Variants in ALK observed in about 807,000 individuals in gnomAD.
The protein encoded by ALK is ALK tyrosine kinase receptor.
ALK carries 74 observed loss-of-function variants against 163.1 expected under a neutral mutation model. That is an observed-to-expected ratio of 0.45 (90% CI 0.38 to 0.55). ALK has a LOEUF of 0.55. Ranked by LOEUF, ALK falls within the 20% of genes least tolerant of loss-of-function variation. The pLI is 0.00. For missense variants in ALK, 2,063 were observed against 2,105.3 expected, an observed-to-expected ratio of 0.98 and a Z score of 0.39; for synonymous variants, 960 against 843.2, an observed-to-expected ratio of 1.14 and a Z score of -2.40.
At chr2:29,764,498 G>A (rs1680802610) in intron 1 of ALK, among the ~76,000 whole-genome samples, 1 of 152,152 alleles carries the variant, frequency 6.6e-6, no homozygotes, top group African/African-American at 2.4e-5. Context: ...CACCACTGAG[G>A]AAGCCTCACC....
At chr2:29,672,587 T>C (rs1303618163) in intron 3 of ALK, among the ~76,000 whole-genome samples, 1 of 151,156 alleles carries the variant, frequency 6.6e-6, no homozygotes, top group East Asian at 1.9e-4. Flanking sequence ...TGTTGGACAT[T>C]TGGCTTGGTT....
chr2:29,711,102 C>A (rs2148302211), intron 2 of ALK, among the ~76,000 whole-genome samples: 1 of 152,316 alleles, frequency 6.6e-6, no homozygotes, highest in South Asian at 2.1e-4. Flanking sequence ...CACCTTATAT[C>A]CAGAATCTCT....
At chr2:29,284,828 G>A (rs374342307) in intron 9 of ALK, among the ~76,000 whole-genome samples, 29 of 152,246 alleles carry the variant, frequency 1.9e-4, no homozygotes, top group African/African-American at 6.7e-4. Context: ...TCAATGCCTG[G>A]TTGCACATCG....
intron 1 of ALK, among the ~76,000 whole-genome samples, chr2:29,830,712 TTAAAAAAAAA>T (rs1205895659): frequency 0.031 from 1,941 of 63,508 alleles, 243 homozygotes; most frequent in African/African-American, 0.086. Context: ...CTAAAATAGT[TTAAAAAAAAA>T]AAAAAAAAAA....
chr2:29,606,415 G>T (rs1441847613), intron 3 of ALK, among the ~76,000 whole-genome samples: 1 of 152,236 alleles, frequency 6.6e-6, no homozygotes, highest in African/African-American at 2.4e-5. Flanking sequence ...GGCCATTCTA[G>T]GTCTCAGACC....
At chr2:29,420,562 G>C (rs1669992590) in intron 4 of ALK, among the ~76,000 whole-genome samples, 1 of 151,480 alleles carries the variant, frequency 6.6e-6, no homozygotes, top group African/African-American at 2.5e-5. Flanking sequence ...CTGGTTCAAA[G>C]GAGGGAAAAA....
intron 1 of ALK, among the ~76,000 whole-genome samples, chr2:29,720,669 A>G (rs1679395380): frequency 6.6e-6 from 1 of 152,222 alleles, no homozygotes; most frequent in South Asian, 2.1e-4. Flanking sequence ...ATACACATCA[A>G]TGTAGAATAT....
At chr2:29,724,550 T>C (rs1286370730) in intron 1 of ALK, among the ~76,000 whole-genome samples, 2 of 152,162 alleles carry the variant, frequency 1.3e-5, no homozygotes, top group African/African-American at 4.8e-5. Context: ...GAGTTAGCGG[T>C]GATGGGCGAT....
At chr2:29,335,971 C>T (rs753101595) in intron 5 of ALK, among the ~76,000 whole-genome samples, 14 of 151,942 alleles carry the variant, frequency 9.2e-5, no homozygotes, top group African/African-American at 1.7e-4. Flanking sequence ...ACCTGGGAGG[C>T]GGAGGTTGCA....
At chr2:29,194,770 G>A (rs1252229419) in intron 28 of ALK, among the ~76,000 whole-genome samples, 2 of 151,130 alleles carry the variant, frequency 1.3e-5, no homozygotes, top group Middle Eastern at 3.5e-3. Flanking sequence ...CACCTGCCTC[G>A]GCCTCCCAGA....
intron 1 of ALK, among the ~76,000 whole-genome samples, chr2:29,760,174 CACACATCCCTACACACCT>C: frequency 6.6e-6 from 1 of 152,140 alleles, no homozygotes; most frequent in East Asian, 1.9e-4. Flanking sequence ...CCTACACACC[CACACATCCCTACACACCT>C]ACACACCCCT....
intron 4 of ALK, among the ~76,000 whole-genome samples, chr2:29,427,301 C>T (rs936941191): frequency 1.3e-5 from 2 of 151,614 alleles, no homozygotes; most frequent in Non-Finnish European, 2.9e-5. Context: ...TTTTTTCCTG[C>T]AAGCTTAAAG....
At chr2:29,727,530 A>G (rs1679608280) in intron 1 of ALK, among the ~76,000 whole-genome samples, 1 of 152,152 alleles carries the variant, frequency 6.6e-6, no homozygotes, top group Non-Finnish European at 1.5e-5. Context: ...CTGCATGTAA[A>G]ACAGAACTCA....
chr2:29,347,634 C>T (rs1271438984), intron 5 of ALK, among the ~76,000 whole-genome samples: 1 of 152,132 alleles, frequency 6.6e-6, no homozygotes, highest in Non-Finnish European at 1.5e-5. Flanking sequence ...CTGTATGGTC[C>T]CATCCACTCC....
At chr2:29,388,385 T>G (rs889889142) in intron 4 of ALK, among the ~76,000 whole-genome samples, 2 of 152,212 alleles carry the variant, frequency 1.3e-5, no homozygotes, top group Admixed American at 6.5e-5. Flanking sequence ...GCTGGCTTCC[T>G]TAAGTGTGCC....
intron 1 of ALK, among the ~76,000 whole-genome samples, chr2:29,763,252 T>G (rs1317539329): frequency 1.3e-5 from 2 of 152,158 alleles, no homozygotes; most frequent in Non-Finnish European, 2.9e-5. Flanking sequence ...CATGTAGGGT[T>G]GCTTTGAGGA....
chr2:29,366,304 C>T (rs185551929), intron 5 of ALK, among the ~76,000 whole-genome samples: 1 of 152,264 alleles, frequency 6.6e-6, no homozygotes, highest in East Asian at 1.9e-4. Context: ...GGGTGCATTC[C>T]CTACCTGAGA....
At chr2:29,249,624 C>G (rs1358281462) in intron 12 of ALK, among the ~76,000 whole-genome samples, 1 of 152,162 alleles carries the variant, frequency 6.6e-6, no homozygotes, top group Admixed American at 6.5e-5. Flanking sequence ...TCCTCCGACT[C>G]CAGAGTTCTC....
Position 29,920,357 on chromosome 2 carries a change from C to A in ALK, c.303G>T (p.Leu101Phe). Residue 101 changes from leucine (L) to phenylalanine (F), a missense_variant, in exon 1 of 29, where the codon TTG becomes TTT. Leu to Phe is a conservative substitution (Grantham distance 22, BLOSUM62 0). This residue lies in a region of ALK where 987 missense variants were observed against 939.5 expected (regional missense o/e 1.05). Transcript: ENST00000389048. The stretch of plus-strand genomic sequence containing the variant: ...AGGAGACCCCCGGCGCCGGCCCCAG[C>A]AACCTGAGCAGCGGGGCGCAGTCCA... ...LALDCAPLLR[L>F]LGPAPGVSWT... 6.4e-7 allele frequency: 1 copy of A among 1,553,960 alleles called. No homozygotes were observed. Among genetic ancestry groups the A allele is most frequent in the Non-Finnish European group, 8.7e-7 (1 of 1,149,780 alleles).
Sources: allele counts gnomAD v4.1 joint callset (sites outside exome capture counted in the v4.1 genomes callset), GRCh38; gene constraint gnomAD v4.1.1; regional missense constraint gnomAD v4.1.1; transcripts MANE v1.5; gene names NCBI Gene and HGNC (gene_info 2026-07-23, HGNC 2026-07-21).